LINGO2: variants seen among roughly 807,000 people sequenced by gnomAD.
LINGO2 encodes leucine-rich repeat and immunoglobulin-like domain-containing nogo receptor-interacting protein 2.
In LINGO2, 14 loss-of-function variants were observed where a neutral mutation model predicts 30.6. That is an observed-to-expected ratio of 0.46 (90% CI 0.30 to 0.72). The LOEUF is 0.72. Ranked by LOEUF, LINGO2 falls within the 30% of genes least tolerant of loss-of-function variation. The pLI is 0.07. For missense variants in LINGO2, 729 were observed against 751.7 expected, an observed-to-expected ratio of 0.97 and a Z score of 0.35; for synonymous variants, 317 against 288.5, an observed-to-expected ratio of 1.10 and a Z score of -1.00.
chr9:28,904,747 A>T, the LINGO2 span, among the ~76,000 whole-genome samples: 1 of 152,090 alleles, frequency 6.6e-6, no homozygotes, highest in African/African-American at 2.4e-5. Context: ...GAAATAATTA[A>T]TACTCTTAAA....
At chr9:28,461,301 G>A (rs1420493059) in intron 2 of LINGO2, among the ~76,000 whole-genome samples, 2 of 152,084 alleles carry the variant, frequency 1.3e-5, no homozygotes, top group African/African-American at 2.4e-5. Flanking sequence ...TATACAAGCA[G>A]TATTTTCACA....
At position 28,344,491 on chromosome 9, in the gene LINGO2, T is replaced by C. The variant is rs557066946; in HGVS notation, c.-246+28345A>G. ...GAAAATAAGTAATGAAAAATGAGTA[T>C]GTCTATACATTCATGATTAGGACAA... On this transcript the variant is annotated intron_variant, in intron 3 of 5. Coordinates refer to ENST00000379992, the Ensembl canonical transcript of LINGO2. Among the ~76,000 whole-genome samples the C allele has an allele frequency of 3.3e-5, 5 of 152,276 alleles. No individual in the cohort carries two copies. In the South Asian group the frequency reaches 1.0e-3, roughly 32 times the overall value.
chr9:28,487,824 T>G (rs949568093), intron 1 of LINGO2, among the ~76,000 whole-genome samples: 2 of 152,106 alleles, frequency 1.3e-5, no homozygotes, highest in African/African-American at 2.4e-5. Context: ...GAAAATAAAA[T>G]TATGGAATAT....
At chr9:28,576,949 T>C (rs1824021679) in intron 1 of LINGO2, among the ~76,000 whole-genome samples, 1 of 152,162 alleles carries the variant, frequency 6.6e-6, no homozygotes, top group South Asian at 2.1e-4. Flanking sequence ...TTGCAAAAAT[T>C]GTAACAGTGA....
the LINGO2 span, among the ~76,000 whole-genome samples, chr9:29,069,773 A>G: frequency 6.6e-6 from 1 of 152,108 alleles, no homozygotes; most frequent in Non-Finnish European, 1.5e-5. Context: ...AGATACTTTG[A>G]GAAGGAGTTT....
At chr9:29,013,451 A>T in the LINGO2 span, among the ~76,000 whole-genome samples, 1 of 152,002 alleles carries the variant, frequency 6.6e-6, no homozygotes, top group Non-Finnish European at 1.5e-5. Flanking sequence ...AATGATCTAG[A>T]TTAGCATAGA....
intron 2 of LINGO2, among the ~76,000 whole-genome samples, chr9:28,404,308 A>C (rs1286510205): frequency 6.6e-6 from 1 of 152,064 alleles, no homozygotes; most frequent in Non-Finnish European, 1.5e-5. Flanking sequence ...AAGATGAATA[A>C]ATATATTCTC....
At chr9:28,675,975 A>G in the LINGO2 span, among the ~76,000 whole-genome samples, 1 of 149,556 alleles carries the variant, frequency 6.7e-6, no homozygotes, top group Non-Finnish European at 1.5e-5. Flanking sequence ...ATATACATTT[A>G]AAAATAACAT....
chr9:28,181,660 T>C (rs1243389549), intron 4 of LINGO2, among the ~76,000 whole-genome samples: 1 of 152,184 alleles, frequency 6.6e-6, no homozygotes, highest in East Asian at 1.9e-4. Context: ...TGCTTACAGC[T>C]CATTGAAAGA....
chr9:27,997,813 C>T (rs1821743681), intron 5 of LINGO2, among the ~76,000 whole-genome samples: 1 of 152,092 alleles, frequency 6.6e-6, no homozygotes, highest in Non-Finnish European at 1.5e-5. Flanking sequence ...TAATTTAATG[C>T]ACTTATTTTC....
downstream of LINGO2, among the ~76,000 whole-genome samples, chr9:27,945,365 G>C (rs1425069643): frequency 6.6e-6 from 1 of 152,080 alleles, no homozygotes; most frequent in African/African-American, 2.4e-5. Flanking sequence ...CTGGACTCCT[G>C]TAAGAACTGA....
the LINGO2 span, among the ~76,000 whole-genome samples, chr9:28,881,834 G>A: frequency 6.6e-6 from 1 of 152,176 alleles, no homozygotes; most frequent in Non-Finnish European, 1.5e-5. Context: ...GCCACAGGAT[G>A]TGTTGTTCCC....
At chr9:28,610,871 T>G (rs1825887803) in intron 1 of LINGO2, among the ~76,000 whole-genome samples, 1 of 152,198 alleles carries the variant, frequency 6.6e-6, no homozygotes, top group Admixed American at 6.5e-5. Context: ...TAACCTTTTT[T>G]GTATGGCAGA....
intron 1 of LINGO2, among the ~76,000 whole-genome samples, chr9:28,656,571 C>T (rs1209080735): frequency 6.6e-6 from 1 of 152,002 alleles, no homozygotes; most frequent in Non-Finnish European, 1.5e-5. Flanking sequence ...GAATAACTGG[C>T]TTGCACTCTT....
At chr9:28,247,686 A>C (rs1822052687) in intron 4 of LINGO2, among the ~76,000 whole-genome samples, 1 of 152,144 alleles carries the variant, frequency 6.6e-6, no homozygotes, top group African/African-American at 2.4e-5. Context: ...AGGTGTAACA[A>C]AGTACCATGG....
intron 1 of LINGO2, among the ~76,000 whole-genome samples, chr9:28,536,057 G>T (rs542833058): frequency 6.6e-6 from 1 of 151,582 alleles, no homozygotes; most frequent in Non-Finnish European, 1.5e-5. Context: ...ATTTTTTTTG[G>T]TCACTTAAGA....
the LINGO2 span, among the ~76,000 whole-genome samples, chr9:28,960,362 T>C: frequency 3.3e-5 from 5 of 151,752 alleles, no homozygotes; most frequent in African/African-American, 7.3e-5. Context: ...TAGCCAAGCA[T>C]GGCAGTGGGC....
the LINGO2 span, among the ~76,000 whole-genome samples, chr9:29,188,014 C>CT: frequency 0.023 from 1,746 of 75,740 alleles, 57 homozygotes; most frequent in East Asian, 0.073. Context: ...TTGACAGAGT[C>CT]TTTTTTTTTT....
At chr9:28,814,414 C>T in the LINGO2 span, among the ~76,000 whole-genome samples, 4 of 152,084 alleles carry the variant, frequency 2.6e-5, no homozygotes, top group East Asian at 1.9e-4. Flanking sequence ...TCCAGCCGGG[C>T]GACAGAGCGA....
Sources: gnomAD v4.1 joint callset for allele counts (sites outside exome capture counted in the v4.1 genomes callset) on GRCh38, gnomAD v4.1.1 for gene constraint, MANE v1.5 for transcripts, NCBI Gene and HGNC (gene_info 2026-07-23, HGNC 2026-07-21) for gene names.